Variants in BAHCC1 observed in about 807,000 individuals in gnomAD.
BAHCC1 encodes BAH and coiled-coil domain-containing protein 1.
In BAHCC1, 43 loss-of-function variants were observed where a neutral mutation model predicts 88.2. The observed-to-expected ratio is 0.49, with a 90% CI of 0.38 to 0.63. BAHCC1 has a LOEUF of 0.63. BAHCC1 is among the 20% of genes least tolerant of loss of function. The pLI is 0.00. For missense variants in BAHCC1, 3,023 were observed against 1,654.8 expected (o/e 1.83, Z -14.34); for synonymous variants, 1,510 against 745.5 (o/e 2.03, Z -16.71).
At chr17:81,397,457 G>A (rs115207757) in intron 1 of BAHCC1, among the ~76,000 whole-genome samples, 215 of 150,432 alleles carry the variant, frequency 1.4e-3, no homozygotes, top group African/African-American at 5.0e-3. Flanking sequence ...CCTGGAGGCC[G>A]CCAGGAAGCC....
Position 81,444,100 on chromosome 17 carries a change from CAGTT to C in BAHCC1, c.2324+185_2324+188del, listed in dbSNP as rs1598489483. On this transcript the variant is annotated intron_variant, in intron 6 of 27. Transcript: ENST00000675386. ...GAGTCTCACCCGGGGTTGGGGGTCT[CAGTT>C]AACCCCTTGCAGCGGTCAGGTTACC... 4.3e-5 allele frequency: 26 copies of C among 606,392 alleles called. No homozygotes were observed. The East Asian group carries it at 4.4e-4, about 10-fold the overall frequency. The allele number at this position is 606,392 out of a possible 1,614,324, so 37.6% of individuals were successfully genotyped here.
intron 2 of BAHCC1, among the ~76,000 whole-genome samples, chr17:81,419,616 G>A (rs2143342690): frequency 6.6e-6 from 1 of 151,998 alleles, no homozygotes; most frequent in African/African-American, 2.4e-5. Context: ...GGGAGCCTGA[G>A]TGGGTGTGGG....
chr17:81,402,420 T>C (rs2063829073), intron 2 of BAHCC1: 1 of 152,274 alleles, frequency 6.6e-6, no homozygotes, highest in African/African-American at 2.4e-5. Flanking sequence ...TGTGTCTATA[T>C]ATGATCTAGT....
chr17:81,407,371 G>A (rs1555647089), intron 2 of BAHCC1: 1 of 520,090 alleles, frequency 1.9e-6, no homozygotes, highest in Admixed American at 1.9e-5. Context: ...GTCTTCAAGG[G>A]AAGTCGGGTC....
At chr17:81,421,889 G>A (rs7216513) in intron 2 of BAHCC1, 11,584 of 360,794 alleles carry the variant, frequency 0.032, 686 homozygotes, top group African/African-American at 0.16. Context: ...ACGGAATTGG[G>A]GTGCAGCATG....
intron 15 of BAHCC1, 159 bp from the exon 16 acceptor site, chr17:81,456,138 G>T: frequency 1.8e-6 from 1 of 570,476 alleles, no homozygotes. Flanking sequence ...CAGGCCCTGT[G>T]TCTCTGGGCC....
chr17:81,445,675 G>C lies in BAHCC1; in HGVS notation c.3157G>C (p.Glu1053Gln), dbSNP rs567435659. Residue 1053 changes from glutamate (E) to glutamine (Q), a missense_variant, in exon 10 of 28, where the codon GAA becomes CAA. Glu to Gln is a conservative substitution (Grantham distance 29). Transcript: ENST00000675386. Reference sequence around the variant, plus strand: ...GTCCACGGCCGACATCATCACATCCGAACCAGGTGAGAGTAGCCGCCTGGC... The same window carrying C: ...GTCCACGGCCGACATCATCACATCCCAACCAGGTGAGAGTAGCCGCCTGGC... ...QQSTADIITS[E>Q]PDLPPGYLRP... The C allele has an allele frequency of 8.2e-6, 6 of 727,938 alleles. No individual in the cohort carries two copies. In the South Asian group the frequency reaches 8.8e-5, roughly 11 times the overall value. 45.1% of individuals were successfully genotyped at this position (727,938 alleles called of 1,614,324 possible).
Position 81,442,648 on chromosome 17 carries a change from C to T in BAHCC1, c.1299C>T (p.His433=), listed in dbSNP as rs782072753. 2.2e-5 allele frequency: 17 copies of T among 776,346 alleles called. No individual in the cohort carries two copies. Among genetic ancestry groups the T allele is most frequent in the African/African-American group, 8.4e-5 (5 of 59,200 alleles). The allele number at this position is 776,346 out of a possible 1,614,324, so 48.1% of individuals were successfully genotyped here. A position where few individuals can be genotyped will look rare whatever the true frequency, so the allele number is the denominator to read the frequency against. ...RHLEGTMAPD[H]AAPYGVSYAH... ...TGGAGGGAACCATGGCCCCCGACCA[C>T]GCTGCACCCTATGGAGTCTCCTATG... is the stretch of plus-strand genomic sequence containing the variant. Residue 433 remains histidine, a synonymous_variant, in exon 5 of 28, where the codon CAC becomes CAT. Coordinates refer to ENST00000675386, the MANE Select transcript of BAHCC1 (RefSeq NM_001377448.1).
intron 24 of BAHCC1, 49 bp from the exon 25 acceptor site, chr17:81,460,481 G>A (rs193084436): frequency 5.5e-6 from 4 of 727,052 alleles, no homozygotes; most frequent in Non-Finnish European, 7.7e-6. Flanking sequence ...TGGGGTGGCA[G>A]TCACCCCACA....
chr17:81,447,719 C>T lies in BAHCC1; in HGVS notation c.3847C>T (p.Pro1283Ser), dbSNP rs559878218. Residue 1283 changes from proline to serine, a missense_variant, in exon 11 of 28, where the codon CCC becomes TCC. By Grantham distance (74) the Pro-to-Ser change is moderately conservative. Transcript: ENST00000675386. ...LPSDSPPDPQ[P>S]PAASGPPSTV... The stretch of plus-strand genomic sequence containing the variant: ...CAGCGACAGCCCACCGGACCCTCAG[C>T]CCCCAGCGGCCTCTGGGCCCCCCAG... 6.7e-5 allele frequency: 49 copies of T among 733,426 alleles called. 1 individual carries two copies. The highest frequency in any genetic ancestry group is 1.5e-4 in the Admixed American group (8 of 52,096). 45.4% of individuals were successfully genotyped at this position (733,426 alleles called of 1,614,324 possible). A position where few individuals can be genotyped will look rare whatever the true frequency, so the allele number is the denominator to read the frequency against.
At position 81,444,762 on chromosome 17, in the gene BAHCC1, C is replaced by T. The variant is rs372753980; in HGVS notation, c.2607C>T (p.Asp869=). Residue 869 remains aspartate (D), a synonymous_variant, in exon 8 of 28, where the codon GAC becomes GAT. Coordinates refer to ENST00000675386, the MANE Select transcript of BAHCC1 (RefSeq NM_001377448.1). ...PVPSVFPLPQ[D]APTQLVILPS... is the part of the protein sequence containing the mutation. ...CCTCTGTCTTCCCCCTCCCACAGGA[C>T]GCCCCCACACAGCTGGTCATCCTGC... 53 of 778,636 alleles carry T rather than the reference C, an allele frequency of 6.8e-5. 1 individual carries two copies. Among genetic ancestry groups the T allele is most frequent in the Middle Eastern group, 2.3e-4 (1 of 4,402 alleles). The allele number at this position is 778,636 out of a possible 1,614,324, so 48.2% of individuals were successfully genotyped here.
intron 3 of BAHCC1, among the ~76,000 whole-genome samples, chr17:81,437,215 C>T (rs1264983025): frequency 6.6e-6 from 1 of 152,244 alleles, no homozygotes; most frequent in South Asian, 2.1e-4. Flanking sequence ...TTGCCTCAAA[C>T]GTCTTCTCCT....
At position 81,399,972 on chromosome 17, in the gene BAHCC1, G is replaced by C; in HGVS notation, c.178+55G>C. On this transcript the variant is annotated intron_variant, in intron 2 of 27. Coordinates refer to ENST00000675386, the MANE Select transcript of BAHCC1 (RefSeq NM_001377448.1). This position sits in a 1 kb window ranked among gnomAD's most constrained non-coding sequence, Gnocchi z 4.5. ...CGGGAGCGTTCGAGAGCGGAACAGGGCGCCCACCCCTCCGCTCCCGGGAGC... is the reference window on the plus strand; with the variant it reads ...CGGGAGCGTTCGAGAGCGGAACAGGCCGCCCACCCCTCCGCTCCCGGGAGC... The C allele has an allele frequency of 1.6e-6, 2 of 1,256,366 alleles. No individual in the cohort carries two copies. The highest frequency in any genetic ancestry group is 2.0e-6 in the Non-Finnish European group (2 of 986,900). 77.8% of individuals were successfully genotyped at this position (1,256,366 alleles called of 1,614,324 possible). A position where few individuals can be genotyped will look rare whatever the true frequency, so the allele number is the denominator to read the frequency against.
intron 3 of BAHCC1, among the ~76,000 whole-genome samples, chr17:81,437,484 T>C (rs2064352306): frequency 6.6e-6 from 1 of 152,236 alleles, no homozygotes; most frequent in Non-Finnish European, 1.5e-5. Context: ...GGCTGGGTTC[T>C]GGTGCCTGCA....
In BAHCC1 at chr17:81,458,947, C is replaced by T. The variant is rs373877445; in HGVS notation, c.5583C>T (p.Ser1861=). 1.4e-4 allele frequency: 109 copies of T among 751,930 alleles called. 1 individual carries two copies. The highest frequency in any genetic ancestry group is 1.3e-3 in the South Asian group (91 of 71,322). The allele number at this position is 751,930 out of a possible 1,614,324, so 46.6% of individuals were successfully genotyped here. Residue 1861 remains serine (S), a synonymous_variant, in exon 20 of 28, where the codon AGC becomes AGT. Transcript: ENST00000675386. ...EEEEEDSGPL[S]AEQSAALARS... ...AGGAGGAGGACAGCGGCCCTCTGAG[C>T]GCAGAGCAGAGCGCCGCCCTAGGTG...
chr17:81,414,558 G>A (rs1598460190), intron 2 of BAHCC1, among the ~76,000 whole-genome samples: 1 of 152,162 alleles, frequency 6.6e-6, no homozygotes, highest in South Asian at 2.1e-4. Context: ...CACCTCGCCC[G>A]CTCCCCTGCA....
chr17:81,463,520 C>T lies in BAHCC1; in HGVS notation c.7621-91C>T, dbSNP rs1295193981. 9.5e-6 allele frequency: 7 copies of T among 738,524 alleles called. No individual in the cohort carries two copies. The African/African-American group carries it at 1.2e-4, about 13-fold the overall frequency. 45.7% of individuals were successfully genotyped at this position (738,524 alleles called of 1,614,324 possible). A position where few individuals can be genotyped will look rare whatever the true frequency, so the allele number is the denominator to read the frequency against. On this transcript the variant is annotated intron_variant, in intron 27 of 27. Transcript: ENST00000675386. ...ACAGAAGTCCATCCGGTGACCCTTA[C>T]AGAGCATGGGTGGGCGGGTGGTCTT...
chr17:81,417,479 T>C (rs1204331356), intron 2 of BAHCC1, among the ~76,000 whole-genome samples: 2 of 151,374 alleles, frequency 1.3e-5, no homozygotes, highest in Non-Finnish European at 2.9e-5. Context: ...GTCCCCACCA[T>C]GGCTGCTCTG....
At chr17:81,400,197 C>T (rs1217671429) in intron 2 of BAHCC1, among the ~76,000 whole-genome samples, 2 of 152,192 alleles carry the variant, frequency 1.3e-5, no homozygotes, top group African/African-American at 4.8e-5. Flanking sequence ...TCGCCACCCT[C>T]CCCCGCCCCC....
Sources: gnomAD v4.1 joint callset for allele counts (sites outside exome capture counted in the v4.1 genomes callset) on GRCh38, gnomAD v4.1.1 for gene constraint, Gnocchi (gnomAD v3.1) non-coding constraint, MANE v1.5 for transcripts, NCBI Gene and HGNC (gene_info 2026-07-23, HGNC 2026-07-21) for gene names.